The following RNASEH1 variants were observed in gnomAD, a reference collection of about 807,000 sequenced individuals.
The protein encoded by RNASEH1 is ribonuclease H type II.
Under a neutral mutation model 34.6 loss-of-function variants are expected in RNASEH1, and 27 were observed. The observed-to-expected ratio is 0.78, with a 90% CI of 0.58 to 1.08. The LOEUF is 1.08. Ranked by LOEUF, RNASEH1 falls within the 50% of genes least tolerant of loss-of-function variation. RNASEH1 has a pLI of 0.00. For synonymous variants in RNASEH1, 162 were observed against 138.4 expected, an observed-to-expected ratio of 1.17 and a Z score of -1.20; for missense variants, 349 against 373.6, an observed-to-expected ratio of 0.93 and a Z score of 0.54.
At chr2:3,556,981 G>A (rs552154072) in intron 1 of RNASEH1, 77 bp from the exon 2 acceptor site, 7 of 1,100,554 alleles carry the variant, frequency 6.4e-6, no homozygotes, top group Non-Finnish European at 5.5e-6. Context: ...CTTAAGGTTG[G>A]AAATACAGTT....
chr2:3,535,384 A>T, the RNASEH1 span, among the ~76,000 whole-genome samples: 1 of 149,554 alleles, frequency 6.7e-6, no homozygotes, highest in East Asian at 2.0e-4. Flanking sequence ...CTGTGATTGC[A>T]CCACTGCACT....
chr2:3,546,953 T>C (rs895220003), intron 7 of RNASEH1, among the ~76,000 whole-genome samples: 7 of 152,106 alleles, frequency 4.6e-5, no homozygotes, highest in Non-Finnish European at 8.8e-5. Context: ...CAAAACTCCA[T>C]CGCTACTAAA....
rs1232902695 is a variant in RNASEH1 at position 3,544,539 on chromosome 2, A to G, written c.*1246T>C. ...GAAAGTCATTTCTGTAAAAGTCAGGATTACTTGTTGGGGCAAGGAGGGGGA... is the reference window on the plus strand; with the variant it reads ...GAAAGTCATTTCTGTAAAAGTCAGGGTTACTTGTTGGGGCAAGGAGGGGGA... On this transcript the variant is annotated 3_prime_UTR_variant, in exon 8 of 8. Coordinates refer to ENST00000315212, the MANE Select transcript of RNASEH1 (RefSeq NM_002936.6). Among the ~76,000 whole-genome samples the G allele has an allele frequency of 2.0e-5, 3 of 152,160 alleles. No homozygotes were observed. Among genetic ancestry groups the G allele is most frequent in the African/African-American group, 7.2e-5 (3 of 41,440 alleles).
In RNASEH1 at chr2:3,545,630, CAT is replaced by C. The variant is rs770502455; in HGVS notation, c.*153_*154del. 32 of 621,022 alleles carry C rather than the reference CAT, an allele frequency of 5.2e-5. No homozygotes were observed. Among genetic ancestry groups the C allele is most frequent in the Admixed American group, 4.0e-4 (14 of 35,104 alleles). 38.5% of individuals were successfully genotyped at this position (621,022 alleles called of 1,614,324 possible). On this transcript the variant is annotated 3_prime_UTR_variant, in exon 8 of 8. Coordinates refer to ENST00000315212, the MANE Select transcript of RNASEH1 (RefSeq NM_002936.6). ...TATACTTAACCATTTTTTATAAACA[CAT>C]GTCACAGAAGGCCACTGTGCCTGAT... is the stretch of plus-strand genomic sequence containing the variant.
chr2:3,551,515 C>T (rs1471281753), intron 3 of RNASEH1, among the ~76,000 whole-genome samples: 1 of 152,220 alleles, frequency 6.6e-6, no homozygotes, highest in Non-Finnish European at 1.5e-5. Flanking sequence ...AACTGCAAAA[C>T]ATATCTATAA....
the RNASEH1 span, among the ~76,000 whole-genome samples, chr2:3,535,301 C>G: frequency 6.6e-6 from 1 of 151,864 alleles, no homozygotes; most frequent in African/African-American, 2.4e-5. Context: ...TGGTGTGTGC[C>G]TCTAGTCCCC....
rs145391548 is a variant in RNASEH1 at position 3,550,450 on chromosome 2, A to G, written c.432T>C (p.Thr144=). Residue 144 remains threonine (T), a synonymous_variant, in exon 4 of 8, where the codon ACT becomes ACC. Coordinates refer to ENST00000315212, the MANE Select transcript of RNASEH1 (RefSeq NM_002936.6). The part of the protein sequence containing the change: ...SYMGDFVVVY[T]DGCCSSNGRR... ...GCCCATTACTGGAGCAGCAGCCATCAGTGTAGACGACGACGAAGTCTCCTG... is the reference window on the plus strand; with the variant it reads ...GCCCATTACTGGAGCAGCAGCCATCGGTGTAGACGACGACGAAGTCTCCTG... 13 of 1,613,936 alleles carry G rather than the reference A, an allele frequency of 8.1e-6. No individual in the cohort carries two copies. The highest frequency in any genetic ancestry group is 2.7e-5 in the African/African-American group (2 of 74,934).
Position 3,543,548 on chromosome 2 carries a change from T to G in RNASEH1, c.*2237A>C, listed in dbSNP as rs962431948. ...GCTCCCTCTCACTGACCGAATAAGC[T>G]AGTCTGAGCTAAATAAAGATAAAAA... On this transcript the variant is annotated 3_prime_UTR_variant, in exon 8 of 8. Coordinates refer to ENST00000315212, the MANE Select transcript of RNASEH1 (RefSeq NM_002936.6). Among the ~76,000 whole-genome samples the G allele has an allele frequency of 5.9e-5, 9 of 151,900 alleles. No homozygotes were observed. The highest frequency in any genetic ancestry group is 1.3e-4 in the Non-Finnish European group (9 of 68,022).
the RNASEH1 span, chr2:3,534,315 G>A: frequency 6.6e-6 from 1 of 151,626 alleles, no homozygotes. Context: ...CCTGCTTGCT[G>A]AGCAGTGGAG....
At chr2:3,548,231 T>G (rs1471012169) in intron 6 of RNASEH1, among the ~76,000 whole-genome samples, 176 bp from the exon 7 acceptor site, 1 of 152,172 alleles carries the variant, frequency 6.6e-6, no homozygotes, top group Non-Finnish European at 1.5e-5. Flanking sequence ...AATACCCTCC[T>G]CTCTTCCCTT....
the RNASEH1 span, among the ~76,000 whole-genome samples, chr2:3,535,354 G>A: frequency 6.6e-6 from 1 of 150,772 alleles, no homozygotes; most frequent in Non-Finnish European, 1.5e-5. Flanking sequence ...TTGAACCCAG[G>A]AGGCAGAGGC....
intron 2 of RNASEH1, among the ~76,000 whole-genome samples, chr2:3,555,328 C>T (rs1049064379): frequency 6.6e-6 from 1 of 152,170 alleles, no homozygotes; most frequent in Non-Finnish European, 1.5e-5. Context: ...TGCCCCAACA[C>T]CTTGTCTCTC....
chr2:3,540,319 A>C (rs1388743582), downstream of RNASEH1, among the ~76,000 whole-genome samples: 1 of 149,156 alleles, frequency 6.7e-6, no homozygotes, highest in African/African-American at 2.5e-5. Flanking sequence ...TAAAAAAAAA[A>C]TTGCCCCCTA....
the RNASEH1 span, among the ~76,000 whole-genome samples, chr2:3,534,938 G>A: frequency 6.6e-6 from 1 of 152,208 alleles, no homozygotes; most frequent in Non-Finnish European, 1.5e-5. Context: ...CCATTTATAC[G>A]GGGTCCCTAG....
chr2:3,533,980 G>A, the RNASEH1 span: 1 of 152,192 alleles, frequency 6.6e-6, no homozygotes, highest in Non-Finnish European at 1.5e-5. Flanking sequence ...CGACCTTTTA[G>A]CCAATCGAAT....
Position 3,548,109 on chromosome 2 carries a change from A to C in RNASEH1, c.650-54T>G, listed in dbSNP as rs1261528277. ...CAATCTTGAGTGTCCTGCCTTTTTCACCTCCTTAGTCTTACCTCTTATAAT... is the reference window on the plus strand; with the variant it reads ...CAATCTTGAGTGTCCTGCCTTTTTCCCCTCCTTAGTCTTACCTCTTATAAT... On this transcript the variant is annotated intron_variant, in intron 6 of 7. Transcript: ENST00000315212. 3 of 1,603,168 alleles carry C rather than the reference A, an allele frequency of 1.9e-6. No individual in the cohort carries two copies. The African/African-American group carries it at 4.0e-5, about 21-fold the overall frequency.
At chr2:3,549,241 C>A in intron 4 of RNASEH1, 129 bp from the exon 5 acceptor site, 1 of 796,166 alleles carries the variant, frequency 1.3e-6, no homozygotes, top group Non-Finnish European at 2.1e-6. Flanking sequence ...AAAAATCAAA[C>A]TAACAGACTC....
At chr2:3,540,215 C>CTGA (rs1417653709), downstream of RNASEH1, among the ~76,000 whole-genome samples, 1 of 152,020 alleles carries the variant, frequency 6.6e-6, no homozygotes, top group Non-Finnish European at 1.5e-5. Context: ...TGATTTGGAG[C>CTGA]TGATGAAGAT....
At chr2:3,535,199 C>T in the RNASEH1 span, among the ~76,000 whole-genome samples, 2 of 152,046 alleles carry the variant, frequency 1.3e-5, no homozygotes, top group African/African-American at 4.8e-5. Flanking sequence ...AGGCGGTTCA[C>T]CTGAGATCAG....
Sources: gnomAD v4.1 joint callset for allele counts (sites outside exome capture counted in the v4.1 genomes callset) on GRCh38, gnomAD v4.1.1 for gene constraint, MANE v1.5 for transcripts, NCBI Gene and HGNC (gene_info 2026-07-23, HGNC 2026-07-21) for gene names.